The following MS4A1 variants were observed in gnomAD, a reference collection of about 807,000 sequenced individuals.
The protein encoded by MS4A1 is membrane spanning 4-domains A1.
MS4A1 carries 16 observed loss-of-function variants against 26.5 expected under a neutral mutation model. The ratio of observed to expected loss-of-function variants is 0.60; its 90% CI spans 0.41 to 0.92. The LOEUF is 0.92. MS4A1 is among the 40% of genes least tolerant of loss of function. The pLI is 0.00. For synonymous variants in MS4A1, 128 were observed against 117.6 expected (o/e 1.09, Z -0.57); for missense variants, 350 against 353.0 (o/e 0.99, Z 0.07).
In MS4A1 at chr11:60,468,424, C is replaced by T; in HGVS notation, c.850C>T (p.Gln284Ter). The T allele has an allele frequency of 6.2e-7, 1 of 1,614,136 alleles. No homozygotes were observed. Among genetic ancestry groups the T allele is most frequent in the African/African-American group, 1.3e-5 (1 of 75,052 alleles). The change falls in exon 8 of 8, where the codon CAA becomes TAA. Residue 284 changes from glutamine (Q) to a stop codon, truncating the protein, a stop_gained. Transcript: ENST00000345732. LOFTEE classifies it high-confidence loss of function. ...AGAGACGAACTTTCCAGAACCTCCC[C>T]AAGATCAGGAATCCTCACCAATAGA... is the stretch of plus-strand genomic sequence containing the variant. ...ETETNFPEPPQDQESSPIEND... is the reference protein window; with the variant it reads ...ETETNFPEPP
chr11:60,468,573 C>A lies in MS4A1; in HGVS notation c.*105C>A. On this transcript the variant is annotated 3_prime_UTR_variant, in exon 8 of 8. Transcript: ENST00000345732. ...TGAGGTACTCTGCACATACGCACCA[C>A]ATCTCTATCTGGCCTTTGCATGGAG... The A allele has an allele frequency of 2.0e-6, 2 of 1,010,430 alleles. No individual in the cohort carries two copies. Among genetic ancestry groups the A allele is most frequent in the Non-Finnish European group, 3.1e-6 (2 of 651,414 alleles). 62.6% of individuals were successfully genotyped at this position (1,010,430 alleles called of 1,614,324 possible).
rs1297503532 is a variant in MS4A1 at position 60,470,362 on chromosome 11, T to C, written c.*1894T>C. 3 of 151,940 alleles carry C rather than the reference T, an allele frequency of 2.0e-5. No homozygotes were observed. Among genetic ancestry groups the C allele is most frequent in the African/African-American group, 7.2e-5 (3 of 41,400 alleles). The allele number at this position is 151,940 out of a possible 1,614,324, so 9.4% of individuals were successfully genotyped here. ...GAGAAAAAAATGAAAGTCAGAAATCTTTAAAAAAATACAAGATCTTATTTC... is the reference window on the plus strand; with the variant it reads ...GAGAAAAAAATGAAAGTCAGAAATCCTTAAAAAAATACAAGATCTTATTTC... On this transcript the variant is annotated 3_prime_UTR_variant, in exon 8 of 8. Transcript: ENST00000345732.
intron 4 of MS4A1, 88 bp downstream of exon 4, chr11:60,463,209 T>C: frequency 1.1e-5 from 17 of 1,549,174 alleles, no homozygotes; most frequent in Non-Finnish European, 1.5e-5. Flanking sequence ...TATTTCTGTG[T>C]TGAGGGAAAT....
intron 1 of MS4A1, among the ~76,000 whole-genome samples, chr11:60,460,061 C>T (rs562536113): frequency 1.3e-5 from 2 of 152,148 alleles, no homozygotes; most frequent in Admixed American, 1.3e-4. Context: ...GCCTGGGCAA[C>T]ATGGCAAGAC....
At chr11:60,461,815 C>T (rs574666483) in intron 2 of MS4A1, among the ~76,000 whole-genome samples, 5 of 149,474 alleles carry the variant, frequency 3.3e-5, no homozygotes, top group Non-Finnish European at 5.9e-5. Flanking sequence ...CCACCGTGCC[C>T]GACCTAGAGA....
At position 60,463,140 on chromosome 11, in the gene MS4A1, G is replaced by T. The variant is rs371614982; in HGVS notation, c.279+19G>T. On this transcript the variant is annotated intron_variant, in intron 4 of 7. Coordinates refer to ENST00000345732, the MANE Select transcript of MS4A1 (RefSeq NM_152866.3). ...CATTATGGTGAGTAAAAGAATAGCAGCCATTTGGGAAATGGTGCAGACAAA... is the reference window on the plus strand; with the variant it reads ...CATTATGGTGAGTAAAAGAATAGCATCCATTTGGGAAATGGTGCAGACAAA... The T allele has an allele frequency of 3.1e-6, 5 of 1,613,968 alleles. No individual in the cohort carries two copies. Among genetic ancestry groups the T allele is most frequent in the Non-Finnish European group, 4.2e-6 (5 of 1,179,984 alleles).
At chr11:60,461,800 A>C (rs1365892274) in intron 2 of MS4A1, among the ~76,000 whole-genome samples, 1 of 150,672 alleles carries the variant, frequency 6.6e-6, no homozygotes, top group East Asian at 2.0e-4. Context: ...GATTACAGGC[A>C]TGAGCCACCG....
chr11:60,467,277 CTTTT>C (rs201750543), intron 7 of MS4A1, among the ~76,000 whole-genome samples: 1 of 134,538 alleles, frequency 7.4e-6, no homozygotes, highest in African/African-American at 2.8e-5. Flanking sequence ...TTCTGTGCGT[CTTTT>C]TTTTTTTTTT....
intron 7 of MS4A1, 133 bp downstream of exon 7, chr11:60,467,193 A>G (rs1590847657): frequency 1.3e-6 from 1 of 747,514 alleles, no homozygotes; most frequent in Non-Finnish European, 2.3e-6. Context: ...TGGTCTTGGC[A>G]TATTTCTAGA....
chr11:60,464,719 A>G lies in MS4A1; in HGVS notation c.336+375A>G, dbSNP rs575250155. On this transcript the variant is annotated intron_variant, in intron 5 of 7. Transcript: ENST00000345732. ...AGCTAAGCCATTTTTTGGCCGTAAC[A>G]TTGAACAAGTCAGTTTACCTCTATG... 2.0e-5 allele frequency among the ~76,000 whole-genome samples: 3 copies of G among 152,300 alleles called. No individual in the cohort carries two copies. In the East Asian group the frequency reaches 5.8e-4, roughly 29 times the overall value.
Position 60,469,491 on chromosome 11 carries a change from C to G in MS4A1, c.*1023C>G, listed in dbSNP as rs2086325804. The G allele has an allele frequency of 6.6e-6, 1 of 152,146 alleles. No individual in the cohort carries two copies. Among genetic ancestry groups the G allele is most frequent in the South Asian group, 2.1e-4 (1 of 4,822 alleles). 9.4% of individuals were successfully genotyped at this position (152,146 alleles called of 1,614,324 possible). Reference sequence around the variant, plus strand: ...ATTGTCTCTCCAATGTCTGCATAAACTGTGAGAGCCAAGTCAACAGCTTTT... The same window carrying G: ...ATTGTCTCTCCAATGTCTGCATAAAGTGTGAGAGCCAAGTCAACAGCTTTT... On this transcript the variant is annotated 3_prime_UTR_variant, in exon 8 of 8. Transcript: ENST00000345732.
chr11:60,462,326 C>T lies in MS4A1; in HGVS notation c.-49C>T. 2 of 1,606,830 alleles carry T rather than the reference C, an allele frequency of 1.2e-6. No individual in the cohort carries two copies. Among genetic ancestry groups the T allele is most frequent in the African/African-American group, 1.3e-5 (1 of 74,902 alleles). On this transcript the variant is annotated 5_prime_UTR_variant, in exon 3 of 8. Transcript: ENST00000345732. Reference sequence around the variant, plus strand: ...AAGACTGCCAAAAATCTTGTTCTTGCTCTCCTCATTTTGTTATTTGTTTTA... The same window carrying T: ...AAGACTGCCAAAAATCTTGTTCTTGTTCTCCTCATTTTGTTATTTGTTTTA...
chr11:60,462,104 A>C (rs542042968), intron 2 of MS4A1, 81 bp from the exon 3 acceptor site: 18 of 551,128 alleles, frequency 3.3e-5, no homozygotes, highest in South Asian at 3.2e-4. Context: ...AGAATGCCCC[A>C]AACCCAGTTG....
Position 60,470,411 on chromosome 11 carries a change from G to A in MS4A1, c.*1943G>A, listed in dbSNP as rs2086334391. The A allele has an allele frequency of 1.3e-5, 2 of 151,938 alleles. No individual in the cohort carries two copies. The highest frequency in any genetic ancestry group is 4.1e-4 in the South Asian group (2 of 4,822). 9.4% of individuals were successfully genotyped at this position (151,938 alleles called of 1,614,324 possible). ...TCTATCTTATTTTTTCTCCTCTTCTGAAATATATATGAGGATTCCTCTCCA... is the reference window on the plus strand; with the variant it reads ...TCTATCTTATTTTTTCTCCTCTTCTAAAATATATATGAGGATTCCTCTCCA... On this transcript the variant is annotated 3_prime_UTR_variant, in exon 8 of 8. Transcript: ENST00000345732.
At chr11:60,465,169 G>A (rs182478609) in intron 5 of MS4A1, among the ~76,000 whole-genome samples, 110 of 152,304 alleles carry the variant, frequency 7.2e-4, no homozygotes, top group African/African-American at 2.6e-3. Flanking sequence ...ATAGAGCCAG[G>A]AATGAAATAT....
At chr11:60,459,100 G>A (rs1590842675) in intron 1 of MS4A1, among the ~76,000 whole-genome samples, 1 of 152,150 alleles carries the variant, frequency 6.6e-6, no homozygotes, top group South Asian at 2.1e-4. Flanking sequence ...CTTTAATCAA[G>A]CAGTTGATGA....
chr11:60,464,983 T>C (rs2135200467), intron 5 of MS4A1, among the ~76,000 whole-genome samples: 1 of 152,290 alleles, frequency 6.6e-6, no homozygotes, highest in Middle Eastern at 3.4e-3. Flanking sequence ...AAAAAATTCC[T>C]CCCCCAACAC....
At chr11:60,456,619 G>T (rs1368135894) in intron 1 of MS4A1, among the ~76,000 whole-genome samples, 1 of 152,120 alleles carries the variant, frequency 6.6e-6, no homozygotes, top group Admixed American at 6.5e-5. Flanking sequence ...ATGTGGGGGA[G>T]CTCTAATGAA....
In MS4A1 at chr11:60,468,423, C is replaced by G; in HGVS notation, c.849C>G (p.Pro283=). ...CAGAGACGAACTTTCCAGAACCTCC[C>G]CAAGATCAGGAATCCTCACCAATAG... ...EETETNFPEP[P]QDQESSPIEN... Residue 283 remains proline (P), a synonymous_variant, in exon 8 of 8, where the codon CCC becomes CCG. Transcript: ENST00000345732. The G allele has an allele frequency of 6.2e-7, 1 of 1,614,124 alleles. No homozygotes were observed.
Sources: allele counts gnomAD v4.1 joint callset (sites outside exome capture counted in the v4.1 genomes callset), GRCh38; gene constraint gnomAD v4.1.1; transcripts MANE v1.5; gene names NCBI Gene and HGNC (gene_info 2026-07-23, HGNC 2026-07-21).